Variants in KIF26B observed in about 807,000 individuals in gnomAD.
KIF26B encodes kinesin family member 26B, also known as kinesin-like protein KIF26B.
A neutral mutation model predicts 151.2 loss-of-function variants in KIF26B; 63 were observed. The observed-to-expected ratio is 0.42, with a 90% confidence interval of 0.34 to 0.51. The LOEUF (loss-of-function observed/expected upper bound fraction) is 0.51. Ranked by LOEUF, KIF26B falls within the 20% of genes least tolerant of loss-of-function variation. KIF26B has a pLI of 0.07. For missense variants in KIF26B, 2,813 were observed against 2,913.6 expected, an observed-to-expected ratio of 0.97 and a Z score of 0.79; for synonymous variants, 1,357 against 1,262.1, an observed-to-expected ratio of 1.08 and a Z score of -1.59.
At chr1:245,372,946 T>C (rs1478536605) in intron 3 of KIF26B, among the ~76,000 whole-genome samples, 1 of 152,188 alleles carries the variant, frequency 6.6e-6, no homozygotes, top group Non-Finnish European at 1.5e-5. Flanking sequence ...CATGGGGTGA[T>C]TATAGGGAAC....
chr1:245,430,718 G>T (rs1658757067), intron 4 of KIF26B, among the ~76,000 whole-genome samples: 1 of 152,110 alleles, frequency 6.6e-6, no homozygotes. Flanking sequence ...CTTCTTATAT[G>T]CCACACACTA....
chr1:245,539,464 G>A (rs541965776), intron 4 of KIF26B, among the ~76,000 whole-genome samples: 5 of 152,204 alleles, frequency 3.3e-5, no homozygotes, highest in South Asian at 2.1e-4. Flanking sequence ...AAGTCAGGGC[G>A]GTCCTTTCAT....
chr1:245,251,426 T>C (rs1212681508), intron 2 of KIF26B, among the ~76,000 whole-genome samples: 1 of 152,210 alleles, frequency 6.6e-6, no homozygotes, highest in Non-Finnish European at 1.5e-5. Context: ...ATATTGTCTT[T>C]TGCTCATCCA....
intron 9 of KIF26B, among the ~76,000 whole-genome samples, chr1:245,642,640 G>C (rs1265962031): frequency 6.6e-6 from 1 of 150,896 alleles, no homozygotes; most frequent in African/African-American, 2.4e-5. Context: ...GCATCTTCTA[G>C]TAAGTCCCTG....
At chr1:245,454,751 G>A (rs1404994743) in intron 4 of KIF26B, among the ~76,000 whole-genome samples, 4 of 152,202 alleles carry the variant, frequency 2.6e-5, no homozygotes, top group Non-Finnish European at 5.9e-5. Flanking sequence ...CAGGAGAAGA[G>A]AAGTCCTCTC....
chr1:245,313,138 G>T (rs773620401), intron 2 of KIF26B, among the ~76,000 whole-genome samples: 2 of 152,068 alleles, frequency 1.3e-5, no homozygotes, highest in Non-Finnish European at 2.9e-5. Flanking sequence ...CAGCCTCGGC[G>T]ACAGAGTGAG....
intron 4 of KIF26B, among the ~76,000 whole-genome samples, chr1:245,491,435 G>A (rs901689671): frequency 7.2e-5 from 11 of 152,174 alleles, no homozygotes; most frequent in Admixed American, 6.5e-4. Flanking sequence ...TGGCTGGATG[G>A]ACACAGGTGG....
intron 9 of KIF26B, among the ~76,000 whole-genome samples, chr1:245,641,115 A>AT (rs147170303): frequency 8.1e-5 from 12 of 148,628 alleles, no homozygotes; most frequent in Admixed American, 1.3e-4. Context: ...CTTGGGGAAC[A>AT]TTTTTTTTTT....
At chr1:245,280,458 G>T (rs1318494154) in intron 2 of KIF26B, among the ~76,000 whole-genome samples, 1 of 145,936 alleles carries the variant, frequency 6.9e-6, no homozygotes, top group Non-Finnish European at 1.5e-5. Context: ...GTGAACCTGG[G>T]AGACAGAGCT....
intron 4 of KIF26B, among the ~76,000 whole-genome samples, chr1:245,443,410 T>C (rs919585390): frequency 1.1e-4 from 11 of 99,162 alleles, no homozygotes; most frequent in Non-Finnish European, 2.1e-4. Context: ...AGAGGAGAGG[T>C]CATCTCCCTC....
chr1:245,577,537 T>C (rs904555188), intron 5 of KIF26B, among the ~76,000 whole-genome samples: 2 of 152,164 alleles, frequency 1.3e-5, no homozygotes, highest in African/African-American at 4.8e-5. Context: ...CTCTGGGCGA[T>C]GCATCCCCTA....
chr1:245,698,052 C>A lies in KIF26B; in HGVS notation c.5825-54C>A, dbSNP rs2044716725. The A allele has an allele frequency of 2.0e-6, 3 of 1,532,956 alleles. No individual in the cohort carries two copies. Among genetic ancestry groups the A allele is most frequent in the Non-Finnish European group, 2.7e-6 (3 of 1,131,244 alleles). 95.0% of individuals were successfully genotyped at this position (1,532,956 alleles called of 1,614,324 possible). On this transcript the variant is annotated intron_variant, in intron 12 of 14. Coordinates refer to ENST00000407071, the MANE Select transcript of KIF26B (RefSeq NM_018012.4). The surrounding 1 kb of genome is among the most constrained non-coding windows in gnomAD (Gnocchi z 4.0). ...GCAAGACCCTGTCTCAAAAAAACAA[C>A]AAAAAAATTGAAATTCAGAAAGACT...
At position 245,708,747 on chromosome 1, in the gene KIF26B, A is replaced by G. The variant is rs187404405; in HGVS notation, c.*6141A>G. On this transcript the variant is annotated 3_prime_UTR_variant, in exon 15 of 15. Transcript: ENST00000407071. ...CAGAACTCAGTTTTCTAACCTATAA[A>G]ATGAAGACATTGTGCTAGATGATCT... The G allele has an allele frequency of 1.7e-4, 26 of 152,338 alleles. No homozygotes were observed. The highest frequency in any genetic ancestry group is 1.3e-3 in the Admixed American group (20 of 15,306). 9.4% of individuals were successfully genotyped at this position (152,338 alleles called of 1,614,324 possible). A position where few individuals can be genotyped will look rare whatever the true frequency, so the allele number is the denominator to read the frequency against.
At chr1:245,605,777 G>A (rs575005088) in intron 6 of KIF26B, among the ~76,000 whole-genome samples, 43 of 152,208 alleles carry the variant, frequency 2.8e-4, no homozygotes, top group African/African-American at 8.2e-4. Context: ...CGCTGACCAC[G>A]CTCTTCTCAG....
intron 14 of KIF26B, among the ~76,000 whole-genome samples, chr1:245,699,576 C>A (rs1477962983): frequency 6.6e-6 from 1 of 150,850 alleles, no homozygotes; most frequent in Non-Finnish European, 1.5e-5. Flanking sequence ...AATAACAATT[C>A]AGGACAATTT....
At chr1:245,192,244 TCA>T (rs1017961661) in intron 2 of KIF26B, among the ~76,000 whole-genome samples, 2 of 149,662 alleles carry the variant, frequency 1.3e-5, no homozygotes, top group Non-Finnish European at 3.0e-5. Flanking sequence ...TTCCCATGTT[TCA>T]GGGGACGTGC....
intron 2 of KIF26B, among the ~76,000 whole-genome samples, chr1:245,277,522 A>G (rs1670961038): frequency 6.6e-6 from 1 of 152,122 alleles, no homozygotes; most frequent in African/African-American, 2.4e-5. Flanking sequence ...GTGCGAGGTG[A>G]AGGCTGAGCC....
chr1:245,484,764 TTCA>T (rs1307008498), intron 4 of KIF26B, among the ~76,000 whole-genome samples: 279 of 143,326 alleles, frequency 1.9e-3, no homozygotes, highest in East Asian at 6.6e-3. Flanking sequence ...CTTCTTCTTC[TTCA>T]TATTATTATT....
chr1:245,486,642 T>TTTCATTATTTATTTTAC lies in KIF26B; in HGVS notation c.1167-54124_1167-54108dup, dbSNP rs1341099257. ...GAAATGAAGGTTCAGCTTTATTTTA[T>TTTCATTATTTATTTTAC]TTCATTATTTATTTTACATTTTTTA... On this transcript the variant is annotated intron_variant, in intron 4 of 14. Transcript: ENST00000407071. 9.8e-5 allele frequency among the ~76,000 whole-genome samples: 15 copies of TTTCATTATTTATTTTAC among 152,330 alleles called. 1 individual carries two copies. Among genetic ancestry groups the TTTCATTATTTATTTTAC allele is most frequent in the African/African-American group, 3.4e-4 (14 of 41,586 alleles).
Sources: allele counts gnomAD v4.1 joint callset (sites outside exome capture counted in the v4.1 genomes callset), GRCh38; gene constraint gnomAD v4.1.1; non-coding constraint Gnocchi (gnomAD v3.1); transcripts MANE v1.5; gene names NCBI Gene and HGNC (gene_info 2026-07-23, HGNC 2026-07-21).